Variants in GNA12 observed in about 807,000 individuals in gnomAD.
GNA12 encodes the protein G protein subunit alpha 12.
Under a neutral mutation model 26.0 loss-of-function variants are expected in GNA12, and 9 were observed. The ratio of observed to expected loss-of-function variants is 0.35; its 90% CI spans 0.21 to 0.60. GNA12 has a LOEUF of 0.60. GNA12 is among the 20% of genes least tolerant of loss of function. GNA12 has a pLI of 0.78. For missense variants in GNA12, 405 were observed against 525.8 expected, an observed-to-expected ratio of 0.77 and a Z score of 2.25; for synonymous variants, 264 against 219.6, an observed-to-expected ratio of 1.20 and a Z score of -1.79.
At chr7:2,733,344 T>C (rs1485710279) in intron 3 of GNA12, 107 bp downstream of exon 3, 1 of 853,804 alleles carries the variant, frequency 1.2e-6, no homozygotes, top group Non-Finnish European at 2.0e-6. Flanking sequence ...CAGAACAAGC[T>C]CGGCCTGTCA....
chr7:2,839,199 C>T (rs954809001), intron 1 of GNA12, among the ~76,000 whole-genome samples: 5 of 152,114 alleles, frequency 3.3e-5, no homozygotes, highest in Admixed American at 6.5e-5. Context: ...ATAGTGGAGT[C>T]GAACCAGAAA....
chr7:2,821,808 T>C (rs1200556943), intron 1 of GNA12, among the ~76,000 whole-genome samples: 1 of 152,236 alleles, frequency 6.6e-6, no homozygotes, highest in East Asian at 1.9e-4. Flanking sequence ...TTCATGTTAC[T>C]AAAACATGAA....
At chr7:2,795,865 G>A (rs991396934) in intron 1 of GNA12, among the ~76,000 whole-genome samples, 6 of 149,214 alleles carry the variant, frequency 4.0e-5, no homozygotes, top group Non-Finnish European at 7.4e-5. Context: ...TTTTGCCCTG[G>A]CCTGGAGTGC....
chr7:2,828,484 G>T (rs1322439853), intron 1 of GNA12, among the ~76,000 whole-genome samples: 1 of 152,108 alleles, frequency 6.6e-6, no homozygotes, highest in Non-Finnish European at 1.5e-5. Flanking sequence ...CTCCCAAACT[G>T]CTGGGATTAC....
chr7:2,734,814 G>A (rs1272874298), intron 2 of GNA12, among the ~76,000 whole-genome samples: 1 of 152,172 alleles, frequency 6.6e-6, no homozygotes, highest in East Asian at 1.9e-4. Context: ...GGCAGGACGG[G>A]GCGAGCACGT....
At chr7:2,758,648 C>T (rs1791412794) in intron 2 of GNA12, among the ~76,000 whole-genome samples, 1 of 152,176 alleles carries the variant, frequency 6.6e-6, no homozygotes, top group Non-Finnish European at 1.5e-5. Flanking sequence ...TCTCGGGGGC[C>T]CCCACAGCAC....
At chr7:2,773,768 C>G (rs1442878207) in intron 2 of GNA12, among the ~76,000 whole-genome samples, 1 of 152,188 alleles carries the variant, frequency 6.6e-6, no homozygotes, top group African/African-American at 2.4e-5. Context: ...CACCCCTGGA[C>G]AGCCCTGAGG....
At position 2,843,706 on chromosome 7, in the gene GNA12, G is replaced by A. The variant is rs544735993; in HGVS notation, c.309+147C>T. On this transcript the variant is annotated intron_variant, in intron 1 of 3. Coordinates refer to ENST00000275364, the MANE Select transcript of GNA12 (RefSeq NM_007353.3). The stretch of plus-strand genomic sequence containing the variant: ...CCAGCAGGCCTCGGGGAATGGGTCG[G>A]GGGGGAGTGGGGTGCAGGCGGGGCT... 108 of 430,900 alleles carry A rather than the reference G, an allele frequency of 2.5e-4. 3 individuals carry two copies. The South Asian group carries it at 4.2e-3, about 17-fold the overall frequency. 26.7% of individuals were successfully genotyped at this position (430,900 alleles called of 1,614,324 possible).
At chr7:2,803,247 A>G (rs1320568548) in intron 1 of GNA12, among the ~76,000 whole-genome samples, 1 of 152,220 alleles carries the variant, frequency 6.6e-6, no homozygotes, top group Non-Finnish European at 1.5e-5. Flanking sequence ...GGACCGTCGG[A>G]GGACAGCCAG....
At chr7:2,799,371 G>C (rs1171168747) in intron 1 of GNA12, among the ~76,000 whole-genome samples, 2 of 152,188 alleles carry the variant, frequency 1.3e-5, no homozygotes, top group African/African-American at 4.8e-5. Context: ...CTTGGGGCCA[G>C]AAGTTCGAGA....
At chr7:2,802,477 G>A (rs545410447) in intron 1 of GNA12, among the ~76,000 whole-genome samples, 78 of 152,078 alleles carry the variant, frequency 5.1e-4, no homozygotes, top group Middle Eastern at 6.8e-3. Context: ...AATAGATTAT[G>A]TTAGTTTAGC....
At chr7:2,735,123 T>C (rs1481942301) in intron 2 of GNA12, among the ~76,000 whole-genome samples, 2 of 152,126 alleles carry the variant, frequency 1.3e-5, no homozygotes, top group Admixed American at 1.3e-4. Flanking sequence ...ACTCCCTGAT[T>C]TACGACAAGT....
intron 2 of GNA12, among the ~76,000 whole-genome samples, chr7:2,758,641 C>T (rs762399369): frequency 1.7e-4 from 26 of 152,066 alleles, no homozygotes; most frequent in Non-Finnish European, 2.6e-4. Context: ...GAAAGGGTCT[C>T]GGGGGCCCCC....
At chr7:2,733,283 C>T (rs559987671) in intron 3 of GNA12, among the ~76,000 whole-genome samples, 168 bp downstream of exon 3, 1 of 152,184 alleles carries the variant, frequency 6.6e-6, no homozygotes, top group Non-Finnish European at 1.5e-5. Flanking sequence ...TGAGACGGGG[C>T]CCAGATCCAA....
intron 1 of GNA12, among the ~76,000 whole-genome samples, chr7:2,830,110 T>A (rs1188785399): frequency 6.6e-6 from 1 of 152,170 alleles, no homozygotes; most frequent in Non-Finnish European, 1.5e-5. Context: ...CGGCTTCTAT[T>A]CCCGACTCTG....
chr7:2,797,507 T>C (rs1210303978), intron 1 of GNA12, among the ~76,000 whole-genome samples: 1 of 151,218 alleles, frequency 6.6e-6, no homozygotes, highest in Non-Finnish European at 1.5e-5. Flanking sequence ...ACCATATAAC[T>C]CATCAATTTG....
At chr7:2,820,588 C>T (rs1793328435) in intron 1 of GNA12, among the ~76,000 whole-genome samples, 1 of 152,060 alleles carries the variant, frequency 6.6e-6, no homozygotes, top group African/African-American at 2.4e-5. Context: ...GTCCCAAGCG[C>T]TGTAAAGCAC....
chr7:2,766,678 AC>A (rs1282700046), intron 2 of GNA12, among the ~76,000 whole-genome samples: 2 of 152,098 alleles, frequency 1.3e-5, no homozygotes, highest in Non-Finnish European at 2.9e-5. Flanking sequence ...GAGCCACCGC[AC>A]CTGGCCAGCT....
At chr7:2,790,747 T>C (rs189835298) in intron 2 of GNA12, among the ~76,000 whole-genome samples, 3 of 152,324 alleles carry the variant, frequency 2.0e-5, no homozygotes, top group Admixed American at 6.5e-5. Context: ...GGCAGGAGGA[T>C]TGCTAGAGCC....
Sources: allele counts gnomAD v4.1 joint callset (sites outside exome capture counted in the v4.1 genomes callset), GRCh38; gene constraint gnomAD v4.1.1; transcripts MANE v1.5; gene names NCBI Gene and HGNC (gene_info 2026-07-23, HGNC 2026-07-21).